The following PHC2 variants were observed in gnomAD, a reference collection of about 807,000 sequenced individuals.
The protein encoded by PHC2 is polyhomeotic homolog 2.
In PHC2, 29 loss-of-function variants were observed where a neutral mutation model predicts 87.4. That is an observed-to-expected ratio of 0.33 (90% CI 0.25 to 0.45). The LOEUF is 0.45. Ranked by LOEUF, PHC2 falls within the 20% of genes least tolerant of loss-of-function variation. The probability of loss-of-function intolerance (pLI) is 1.00; values close to 1 mark genes in which losing one functional copy is unlikely to be tolerated. For missense variants in PHC2, 857 were observed against 1,136.7 expected, an observed-to-expected ratio of 0.75 and a Z score of 3.54; for synonymous variants, 438 against 461.7, an observed-to-expected ratio of 0.95 and a Z score of 0.66.
At chr1:33,372,491 C>T in intron 2 of PHC2, 44 bp from the exon 3 acceptor site, 1 of 1,471,366 alleles carries the variant, frequency 6.8e-7, no homozygotes, top group Non-Finnish European at 9.1e-7. Context: ...GTAGCTGCCA[C>T]ACAGAACACC....
At chr1:33,410,684 A>G (rs1290131265) in intron 1 of PHC2, among the ~76,000 whole-genome samples, 1 of 152,184 alleles carries the variant, frequency 6.6e-6, no homozygotes, top group African/African-American at 2.4e-5. Flanking sequence ...ATAAAACCTT[A>G]ATGGAAGATT....
chr1:33,356,992 G>A (rs1203007839), intron 7 of PHC2, among the ~76,000 whole-genome samples: 1 of 152,210 alleles, frequency 6.6e-6, no homozygotes, highest in Admixed American at 6.5e-5. Flanking sequence ...TCTAGCTCAT[G>A]CCTTGTTTGG....
chr1:33,370,627 T>C (rs765954803), intron 4 of PHC2, 42 bp from the exon 5 acceptor site: 1 of 1,567,070 alleles, frequency 6.4e-7, no homozygotes, highest in South Asian at 1.2e-5. Flanking sequence ...GGAGGTTCTG[T>C]TGGTGAGCTG....
chr1:33,416,303 C>G (rs1312656784), intron 1 of PHC2, among the ~76,000 whole-genome samples: 1 of 151,792 alleles, frequency 6.6e-6, no homozygotes, highest in Non-Finnish European at 1.5e-5. Context: ...AGCGGTGGCT[C>G]ACGCCTGTAA....
chr1:33,347,068 A>G (rs755298101), intron 9 of PHC2: 188 of 985,476 alleles, frequency 1.9e-4, no homozygotes, highest in Middle Eastern at 1.0e-3. Flanking sequence ...GATCCAAAGT[A>G]TCTGAGACAG....
intron 1 of PHC2, among the ~76,000 whole-genome samples, chr1:33,423,470 G>T (rs1184714942): frequency 2.0e-5 from 3 of 152,106 alleles, no homozygotes; most frequent in Non-Finnish European, 1.5e-5. Flanking sequence ...TCCTACACTG[G>T]TACTATATCT....
intron 1 of PHC2, among the ~76,000 whole-genome samples, chr1:33,397,378 C>T (rs1262893520): frequency 2.6e-5 from 4 of 152,196 alleles, no homozygotes; most frequent in African/African-American, 9.6e-5. Context: ...CCACCCCAGA[C>T]CTGCTGAATC....
intron 1 of PHC2, among the ~76,000 whole-genome samples, chr1:33,401,321 G>A (rs191307572): frequency 1.8e-4 from 28 of 151,482 alleles, no homozygotes; most frequent in Admixed American, 1.5e-3. Flanking sequence ...GCCAGACTCC[G>A]TCTCAAAAAA....
rs112753802 is a variant in PHC2, at chr1:33,373,179, G to A, written c.175-732C>T. On this transcript the variant is annotated intron_variant, in intron 2 of 14. Coordinates refer to ENST00000683057, the MANE Select transcript of PHC2 (RefSeq NM_001385109.1). ...GTTGCCCAGGCTGGAGTGCAATGGC[G>A]TGATCTCGGCTCACTGCAACCTCTG... Among the ~76,000 whole-genome samples, 687 of 152,218 alleles carry A rather than the reference G, an allele frequency of 4.5e-3. 11 individuals carry two copies. The highest frequency in any genetic ancestry group is 0.016 in the African/African-American group (648 of 41,524).
intron 1 of PHC2, among the ~76,000 whole-genome samples, chr1:33,406,183 T>C (rs1649754983): frequency 6.6e-6 from 1 of 152,194 alleles, no homozygotes; most frequent in South Asian, 2.1e-4. Context: ...ATTTGATGAA[T>C]AAAAATTTAA....
Position 33,349,240 on chromosome 1 carries a change from C to T in PHC2, c.1558+5161G>A. 1 of 985,468 alleles carries T rather than the reference C, an allele frequency of 1.0e-6. No individual in the cohort carries two copies. The highest frequency in any genetic ancestry group is 1.2e-6 in the Non-Finnish European group (1 of 829,960). The allele number at this position is 985,468 out of a possible 1,614,324, so 61.0% of individuals were successfully genotyped here. A position where few individuals can be genotyped will look rare whatever the true frequency, so the allele number is the denominator to read the frequency against. On this transcript the variant is annotated intron_variant, in intron 9 of 14. Transcript: ENST00000683057. This position sits in a 1 kb window ranked among gnomAD's most constrained non-coding sequence, Gnocchi z 4.2. ...CACCACCAATAAAGTACGGCAGATGCCAGCAGTCTCGTCCCCGAACGCACC... is the reference window on the plus strand; with the variant it reads ...CACCACCAATAAAGTACGGCAGATGTCAGCAGTCTCGTCCCCGAACGCACC...
intron 1 of PHC2, among the ~76,000 whole-genome samples, chr1:33,390,614 A>C (rs987385440): frequency 6.6e-6 from 1 of 152,028 alleles, no homozygotes; most frequent in African/African-American, 2.4e-5. Context: ...TCGGATATTG[A>C]CTCTATTTTT....
Position 33,349,599 on chromosome 1 carries a change from G to A in PHC2, c.1558+4802C>T. ...CCCTCCCCCGCCCCGGCACTGACCT[G>A]TCCAGGGCCCGGCTGGGCCTGGCCG... On this transcript the variant is annotated intron_variant, in intron 9 of 14. Coordinates refer to ENST00000683057, the MANE Select transcript of PHC2 (RefSeq NM_001385109.1). This position sits in a 1 kb window ranked among gnomAD's most constrained non-coding sequence, Gnocchi z 4.2. 1 of 983,984 alleles carries A rather than the reference G, an allele frequency of 1.0e-6. No individual in the cohort carries two copies. The highest frequency in any genetic ancestry group is 1.2e-6 in the Non-Finnish European group (1 of 829,296). The allele number at this position is 983,984 out of a possible 1,614,324, so 61.0% of individuals were successfully genotyped here. A position where few individuals can be genotyped will look rare whatever the true frequency, so the allele number is the denominator to read the frequency against.
At position 33,334,565 on chromosome 1, in the gene PHC2, G is replaced by T. The variant is rs1646582909; in HGVS notation, c.1559-273C>A. ...TCATTTCCCAACCGTGCTATGAACA[G>T]TTAACCCGGATAAACAGACGGGAAT... On this transcript the variant is annotated intron_variant, in intron 9 of 14. Coordinates refer to ENST00000683057, the MANE Select transcript of PHC2 (RefSeq NM_001385109.1). This position sits in a 1 kb window ranked among gnomAD's most constrained non-coding sequence, Gnocchi z 5.5. Among the ~76,000 whole-genome samples the T allele has an allele frequency of 6.6e-6, 1 of 152,234 alleles. No individual in the cohort carries two copies. Among genetic ancestry groups the T allele is most frequent in the Non-Finnish European group, 1.5e-5 (1 of 68,046 alleles).
chr1:33,349,401 G>A lies in PHC2; in HGVS notation c.1558+5000C>T, dbSNP rs960685571. On this transcript the variant is annotated intron_variant, in intron 9 of 14. Coordinates refer to ENST00000683057, the MANE Select transcript of PHC2 (RefSeq NM_001385109.1). The surrounding 1 kb of genome is among the most constrained non-coding windows in gnomAD (Gnocchi z 4.2). Reference sequence around the variant, plus strand: ...CTTCCAGGGGCGACGGGCGCGCAGGGTCCCCAGGCGAGCGAGGCTGGGGAG... The same window carrying A: ...CTTCCAGGGGCGACGGGCGCGCAGGATCCCCAGGCGAGCGAGGCTGGGGAG... 1.4e-5 allele frequency: 14 copies of A among 985,156 alleles called. No homozygotes were observed. Among genetic ancestry groups the A allele is most frequent in the African/African-American group, 7.0e-5 (4 of 57,212 alleles). The allele number at this position is 985,156 out of a possible 1,614,324, so 61.0% of individuals were successfully genotyped here.
intron 1 of PHC2, among the ~76,000 whole-genome samples, chr1:33,391,804 G>C (rs898926538): frequency 2.0e-5 from 3 of 152,166 alleles, no homozygotes; most frequent in African/African-American, 4.8e-5. Flanking sequence ...CAGAGGAGGC[G>C]ATGGGCAACC....
intron 1 of PHC2, among the ~76,000 whole-genome samples, chr1:33,389,009 T>C (rs1648911588): frequency 6.7e-6 from 1 of 149,070 alleles, no homozygotes; most frequent in African/African-American, 2.5e-5. Flanking sequence ...ACACAAACTT[T>C]CCACCAGGCT....
In PHC2 at chr1:33,367,364, G is replaced by A. The variant is rs775225077; in HGVS notation, c.728C>T (p.Thr243Ile). The A allele has an allele frequency of 1.2e-6, 2 of 1,609,008 alleles. No individual in the cohort carries two copies. The highest frequency in any genetic ancestry group is 1.7e-6 in the Non-Finnish European group (2 of 1,176,286). Reference protein sequence around the residue: ...PAAAASGPTPTQPVLPSLALK... With the variant: ...PAAAASGPTPIQPVLPSLALK... Reference sequence around the variant, plus strand: ...GGCCAAGCTGGGCAGGACAGGCTGAGTGGGGGTGGGGCCCGAGGCTGCTGC... The same window carrying A: ...GGCCAAGCTGGGCAGGACAGGCTGAATGGGGGTGGGGCCCGAGGCTGCTGC... Residue 243 changes from threonine to isoleucine, a missense_variant, in exon 7 of 15, where the codon ACT (threonine) becomes ATT (isoleucine). Around this residue, in one of 3 missense-constraint regions of PHC2, gnomAD observed 832 missense variants for 1,081.8 expected, o/e 0.77. Coordinates refer to ENST00000683057, the MANE Select transcript of PHC2 (RefSeq NM_001385109.1).
chr1:33,330,951 T>G (rs972450882), intron 12 of PHC2, among the ~76,000 whole-genome samples: 15 of 152,256 alleles, frequency 9.9e-5, no homozygotes, highest in Non-Finnish European at 2.1e-4. Context: ...TCTCAGGAAA[T>G]GGCAGTGGTT....
Sources: gnomAD v4.1 joint callset for allele counts (sites outside exome capture counted in the v4.1 genomes callset) on GRCh38, gnomAD v4.1.1 for gene constraint, gnomAD v4.1.1 regional missense constraint, Gnocchi (gnomAD v3.1) non-coding constraint, MANE v1.5 for transcripts, NCBI Gene and HGNC (gene_info 2026-07-23, HGNC 2026-07-21) for gene names.